The following ITPK1 variants were observed in gnomAD, a reference collection of about 807,000 sequenced individuals.
ITPK1 encodes the protein inositol 1,3,4-trisphosphate 5/6-kinase.
A neutral mutation model predicts 45.3 loss-of-function variants in ITPK1; 21 were observed. That is an observed-to-expected ratio of 0.46 (90% CI 0.33 to 0.67). The LOEUF is 0.67. Among genes scored for constraint, ITPK1 ranks in the 30% least tolerant of loss-of-function variants. ITPK1 has a pLI of 0.02. For synonymous variants in ITPK1, 258 were observed against 253.6 expected, an observed-to-expected ratio of 1.02 and a Z score of -0.16; for missense variants, 474 against 573.5, an observed-to-expected ratio of 0.83 and a Z score of 1.77.
chr14:93,104,059 C>T (rs760082632), intron 2 of ITPK1, among the ~76,000 whole-genome samples: 19 of 152,256 alleles, frequency 1.2e-4, no homozygotes, highest in African/African-American at 4.3e-4. Flanking sequence ...GGCCCTAGGG[C>T]GGGTGCACTG....
intron 8 of ITPK1, 63 bp from the exon 9 acceptor site, chr14:92,952,076 C>T (rs878906735): frequency 1.5e-6 from 2 of 1,317,656 alleles, no homozygotes; most frequent in Non-Finnish European, 1.1e-6. Flanking sequence ...ACTGCCGCCA[C>T]CTGACACCAG....
In ITPK1 at chr14:92,999,393, C is replaced by T. The variant is rs558271464; in HGVS notation, c.247-5396G>A. Among the ~76,000 whole-genome samples, 8 of 152,392 alleles carry T rather than the reference C, an allele frequency of 5.2e-5. No individual in the cohort carries two copies. In the South Asian group the frequency reaches 6.2e-4, roughly 12 times the overall value. ...CGGCCCTGCCCGTCCTAACAGCTTG[C>T]TCCTTCCTTCACTCAGGACCCAGGG... On this transcript the variant is annotated intron_variant, in intron 4 of 10. Transcript: ENST00000267615.
Position 93,014,640 on chromosome 14 carries a change from G to A in ITPK1, c.246+2036C>T. ...GCCTTGAAGACAGTTTGACTCCCAA[G>A]TCCTCCGCCTCATCCATCTCTGGAG... On this transcript the variant is annotated intron_variant, in intron 4 of 10. Coordinates refer to ENST00000267615, the MANE Select transcript of ITPK1 (RefSeq NM_014216.6). The surrounding 1 kb of genome is among the most constrained non-coding windows in gnomAD (Gnocchi z 4.4). 6.6e-6 allele frequency among the ~76,000 whole-genome samples: 1 copy of A among 152,214 alleles called. No individual in the cohort carries two copies. Among genetic ancestry groups the A allele is most frequent in the East Asian group, 1.9e-4 (1 of 5,194 alleles).
chr14:92,960,415 C>G (rs995648988), intron 7 of ITPK1, among the ~76,000 whole-genome samples: 1 of 152,178 alleles, frequency 6.6e-6, no homozygotes, highest in Non-Finnish European at 1.5e-5. Flanking sequence ...ACAGTCCACC[C>G]AGGCAACCCT....
intron 2 of ITPK1, among the ~76,000 whole-genome samples, chr14:93,077,301 C>T (rs931509614): frequency 6.6e-6 from 1 of 152,132 alleles, no homozygotes; most frequent in African/African-American, 2.4e-5. Flanking sequence ...CTGTTGACTC[C>T]TACCCTTCTC....
At chr14:93,057,943 C>T (rs1483964718) in intron 3 of ITPK1, among the ~76,000 whole-genome samples, 1 of 152,228 alleles carries the variant, frequency 6.6e-6, no homozygotes, top group Non-Finnish European at 1.5e-5. Context: ...TGGGAGAAAC[C>T]CATCAGCTCG....
At chr14:92,977,665 CCTT>C (rs1886018419) in intron 5 of ITPK1, among the ~76,000 whole-genome samples, 2 of 151,842 alleles carry the variant, frequency 1.3e-5, no homozygotes, top group Non-Finnish European at 2.9e-5. Context: ...AGCACTTCAT[CCTT>C]CTTTCTCTCT....
Position 92,941,772 on chromosome 14 carries a change from G to C in ITPK1, c.1034C>G (p.Pro345Arg). ...LLRHSKLLAE[P>R]AGGLVGERTC... ...CCGCTCGCCCACCAGGCCGCCCGCC[G>C]GCTCGGCCAGAAGCTTGCTGTGCCT... Residue 345 changes from proline to arginine, a missense_variant, in exon 11 of 11, where the codon CCG (proline) becomes CGG (arginine). Pro to Arg is a moderately radical substitution (Grantham distance 103). Transcript: ENST00000267615. The C allele has an allele frequency of 6.2e-7, 1 of 1,607,828 alleles. No homozygotes were observed. The highest frequency in any genetic ancestry group is 8.5e-7 in the Non-Finnish European group (1 of 1,178,358).
rs776064436 is a variant in ITPK1 at position 92,941,810 on chromosome 14, G to A, written c.996C>T (p.Asp332=). The part of the protein sequence containing the change: ...GQSTAMAATG[D]VALLRHSKLL... ...GCTTGCTGTGCCTCAGCAGGGCCAC[G>A]TCCCCTGTGGCTGCCATGGCTGTGC... The change falls in exon 11 of 11, where the codon GAC becomes GAT. Residue 332 remains aspartate (D), a synonymous_variant. Coordinates refer to ENST00000267615, the MANE Select transcript of ITPK1 (RefSeq NM_014216.6). 4.8e-5 allele frequency: 77 copies of A among 1,611,672 alleles called. No individual in the cohort carries two copies. The highest frequency in any genetic ancestry group is 2.7e-4 in the Admixed American group (16 of 59,898).
intron 5 of ITPK1, among the ~76,000 whole-genome samples, chr14:92,991,650 C>T (rs546771963): frequency 6.6e-6 from 1 of 152,252 alleles, no homozygotes; most frequent in African/African-American, 2.4e-5. Flanking sequence ...GGCGAGCGGG[C>T]AACAGAGGTA....
intron 4 of ITPK1, among the ~76,000 whole-genome samples, chr14:93,006,729 C>T (rs1347515174): frequency 6.6e-6 from 1 of 152,190 alleles, no homozygotes; most frequent in Non-Finnish European, 1.5e-5. Flanking sequence ...AAGACCCATG[C>T]AAAACAATGG....
intron 3 of ITPK1, among the ~76,000 whole-genome samples, chr14:93,050,686 A>G (rs1427114669): frequency 6.6e-6 from 1 of 151,990 alleles, no homozygotes; most frequent in Non-Finnish European, 1.5e-5. Context: ...GGGGTCCACA[A>G]GAGTAATTCT....
intron 4 of ITPK1, among the ~76,000 whole-genome samples, chr14:93,008,025 G>C (rs1463155755): frequency 3.9e-5 from 6 of 152,256 alleles, no homozygotes; most frequent in Non-Finnish European, 7.3e-5. Context: ...GCCCACTGCA[G>C]ACAGCCCTAT....
At chr14:93,042,400 A>G (rs1309566212) in intron 3 of ITPK1, among the ~76,000 whole-genome samples, 3 of 152,208 alleles carry the variant, frequency 2.0e-5, no homozygotes, top group Non-Finnish European at 2.9e-5. Context: ...GTTTTGGAAC[A>G]TGCCTGGCAC....
At chr14:93,050,411 T>C (rs1889954943) in intron 3 of ITPK1, among the ~76,000 whole-genome samples, 1 of 152,102 alleles carries the variant, frequency 6.6e-6, no homozygotes, top group South Asian at 2.1e-4. Context: ...AATAAGTGAT[T>C]CACTCTTGAG....
At chr14:93,018,747 G>A (rs151238782) in intron 3 of ITPK1, among the ~76,000 whole-genome samples, 2,772 of 152,188 alleles carry the variant, frequency 0.018, 69 homozygotes, top group Admixed American at 0.076. Flanking sequence ...TCATCCTCAC[G>A]GCAAGCCCAG....
At chr14:92,968,082 C>T (rs1312938535) in intron 5 of ITPK1, among the ~76,000 whole-genome samples, 1 of 152,184 alleles carries the variant, frequency 6.6e-6, no homozygotes, top group Non-Finnish European at 1.5e-5. Context: ...GTAATCCCAG[C>T]ACTTTGGGAG....
Position 92,938,410 on chromosome 14 carries a change from G to T in ITPK1, c.*3151C>A. 1 of 1,168,648 alleles carries T rather than the reference G, an allele frequency of 8.6e-7. No homozygotes were observed. The highest frequency in any genetic ancestry group is 1.3e-6 in the Non-Finnish European group (1 of 774,884). 72.4% of individuals were successfully genotyped at this position (1,168,648 alleles called of 1,614,324 possible). Reference sequence around the variant, plus strand: ...GGACAAACGACAGGCTGGCTCCCTTGGTCTTGGGGTGGCTGTCTGGCAGGC... The same window carrying T: ...GGACAAACGACAGGCTGGCTCCCTTTGTCTTGGGGTGGCTGTCTGGCAGGC... On this transcript the variant is annotated 3_prime_UTR_variant, in exon 11 of 11. Transcript: ENST00000267615.
At chr14:92,999,569 T>C (rs1187092998) in intron 4 of ITPK1, among the ~76,000 whole-genome samples, 2 of 152,204 alleles carry the variant, frequency 1.3e-5, no homozygotes. Context: ...ACACAGAGCC[T>C]GGAAACCCCT....
Sources: allele counts gnomAD v4.1 joint callset (sites outside exome capture counted in the v4.1 genomes callset), GRCh38; gene constraint gnomAD v4.1.1; non-coding constraint Gnocchi (gnomAD v3.1); transcripts MANE v1.5; gene names NCBI Gene and HGNC (gene_info 2026-07-23, HGNC 2026-07-21).